The following SYMPK variants were observed in gnomAD, a reference collection of about 807,000 sequenced individuals.
SYMPK encodes the protein symplekin scaffold protein, also known as symplekin.
Under a neutral mutation model 136.4 loss-of-function variants are expected in SYMPK, and 49 were observed. The ratio of observed to expected loss-of-function variants is 0.36; its 90% CI spans 0.29 to 0.46. The LOEUF is 0.46. Ranked by LOEUF, SYMPK falls within the 20% of genes least tolerant of loss-of-function variation. SYMPK has a pLI of 1.00. For synonymous variants in SYMPK, 766 were observed against 713.0 expected (o/e 1.07, Z -1.19); for missense variants, 1,365 against 1,690.0 (o/e 0.81, Z 3.37).
intron 1 of SYMPK, among the ~76,000 whole-genome samples, chr19:45,860,832 GC>G (rs1229152337): frequency 6.6e-6 from 1 of 152,128 alleles, no homozygotes; most frequent in African/African-American, 2.4e-5. Context: ...GAAGGGTTTC[GC>G]CATGTTGCCC....
At position 45,829,090 on chromosome 19, in the gene SYMPK, C is replaced by A; in HGVS notation, c.1865G>T (p.Trp622Leu). 6.2e-7 allele frequency: 1 copy of A among 1,614,194 alleles called. No individual in the cohort carries two copies. Among genetic ancestry groups the A allele is most frequent in the Non-Finnish European group, 8.5e-7 (1 of 1,180,040 alleles). Residue 622 changes from tryptophan to leucine, a missense_variant, in exon 14 of 27, where the codon TGG becomes TTG. Transcript: ENST00000245934. ...GTAGGCGTTGTACTCCTGGTAGAGC[C>A]AGGCGAAGGCCAGGTCCAGGCGGGC... ...VRARLDLAFAWLYQEYNAYLA... is the reference protein window; with the variant it reads ...VRARLDLAFALLYQEYNAYLA...
intron 11 of SYMPK, among the ~76,000 whole-genome samples, chr19:45,834,059 G>A (rs1038178209): frequency 1.3e-5 from 2 of 152,286 alleles, no homozygotes; most frequent in South Asian, 2.1e-4. Flanking sequence ...AGGCCAAGGC[G>A]GGTGGATCAC....
intron 5 of SYMPK, 118 bp from the exon 6 acceptor site, chr19:45,848,994 C>A: frequency 4.9e-6 from 6 of 1,232,224 alleles, no homozygotes; most frequent in South Asian, 1.3e-5. Flanking sequence ...CGGAATGGCA[C>A]ATCCAGAAGC....
Position 45,854,058 on chromosome 19 carries a change from G to A in SYMPK, c.171+117C>T, listed in dbSNP as rs1600530995. 2.4e-5 allele frequency: 23 copies of A among 977,592 alleles called. No individual in the cohort carries two copies. The East Asian group carries it at 5.5e-4, about 23-fold the overall frequency. The allele number at this position is 977,592 out of a possible 1,614,324, so 60.6% of individuals were successfully genotyped here. A position where few individuals can be genotyped will look rare whatever the true frequency, so the allele number is the denominator to read the frequency against. On this transcript the variant is annotated intron_variant, in intron 3 of 26. Transcript: ENST00000245934. ...AGCAGAGGCCTGCACTGAGCACTGT[G>A]GCCGGCACACACTGAGTGTGTAAAT...
Position 45,815,699 on chromosome 19 carries a change from T to C in SYMPK, c.3688-2A>G, listed in dbSNP as rs1398854062. 2 of 1,609,550 alleles carry C rather than the reference T, an allele frequency of 1.2e-6. No individual in the cohort carries two copies. Among genetic ancestry groups the C allele is most frequent in the Middle Eastern group, 1.7e-4 (1 of 6,036 alleles). On this transcript the variant is annotated splice_acceptor_variant, in intron 26 of 26. Transcript: ENST00000245934. LOFTEE classifies it high-confidence loss of function. ...GGTCAGCCCGCCCGCTGCCGTCTCC[T>C]GGTGACCGGGGAAGGAAAGGGCAGC...
In SYMPK at chr19:45,821,351, C is replaced by T; in HGVS notation, c.2893+33G>A. ...AGGTCCTGCCCTGGCGTCGCAGGGG[C>T]CAGGCCACTGGAGTGGGGGGGAAGC... On this transcript the variant is annotated intron_variant, in intron 22 of 26. Transcript: ENST00000245934. This position sits in a 1 kb window ranked among gnomAD's most constrained non-coding sequence, Gnocchi z 4.4. 2 of 1,556,358 alleles carry T rather than the reference C, an allele frequency of 1.3e-6. No homozygotes were observed. The highest frequency in any genetic ancestry group is 2.2e-5 in the South Asian group (2 of 89,854).
At chr19:45,824,037 G>C in intron 18 of SYMPK, 162 bp from the exon 19 acceptor site, 9 of 498,508 alleles carry the variant, frequency 1.8e-5, no homozygotes, top group South Asian at 1.7e-4. Flanking sequence ...AGGAGAGTCA[G>C]AAGAACCTTG....
intron 5 of SYMPK, among the ~76,000 whole-genome samples, chr19:45,850,376 C>T (rs16980059): frequency 0.08 from 12,238 of 152,226 alleles, 564 homozygotes; most frequent in Non-Finnish European, 0.1. Flanking sequence ...CATAGTATTA[C>T]GAATAATGAA....
chr19:45,821,659 G>A lies in SYMPK; in HGVS notation c.2792-174C>T, dbSNP rs2146302427. On this transcript the variant is annotated intron_variant, in intron 21 of 26. Coordinates refer to ENST00000245934, the MANE Select transcript of SYMPK (RefSeq NM_004819.3). The surrounding 1 kb of genome is among the most constrained non-coding windows in gnomAD (Gnocchi z 4.4). ...TAAAAAGGGGACACCGAAGGCAGCA[G>A]CAGCCCTCAGGCAGCGTGAGGTTGC... 6.6e-6 allele frequency among the ~76,000 whole-genome samples: 1 copy of A among 152,304 alleles called. No individual in the cohort carries two copies. The highest frequency in any genetic ancestry group is 2.1e-4 in the South Asian group (1 of 4,834).
chr19:45,857,312 AG>A (rs1277598698), intron 1 of SYMPK, among the ~76,000 whole-genome samples: 1 of 140,602 alleles, frequency 7.1e-6, no homozygotes, highest in African/African-American at 2.6e-5. Flanking sequence ...CGGGAGGCTG[AG>A]GCAGGAGAAT....
intron 22 of SYMPK, chr19:45,820,040 TG>T (rs1286207312): frequency 1.3e-5 from 2 of 152,302 alleles, no homozygotes; most frequent in Non-Finnish European, 2.9e-5. Flanking sequence ...GTGTGGCCTC[TG>T]GCAAGGCCCT....
rs768575470 is a variant in SYMPK, at chr19:45,842,236, C to T, written c.1087+14G>A. 31 of 1,613,772 alleles carry T rather than the reference C, an allele frequency of 1.9e-5. No individual in the cohort carries two copies. The Middle Eastern group carries it at 1.3e-3, about 68-fold the overall frequency. The stretch of plus-strand genomic sequence containing the variant: ...AGCATGGTCTGCCTGCCCCACCCCA[C>T]CAGCCCCTCTCACCCAGCTTCATCT... On this transcript the variant is annotated intron_variant, in intron 9 of 26. Coordinates refer to ENST00000245934, the MANE Select transcript of SYMPK (RefSeq NM_004819.3).
chr19:45,844,292 C>T (rs1971511242), intron 7 of SYMPK, 92 bp from the exon 8 acceptor site: 1 of 1,039,496 alleles, frequency 9.6e-7, no homozygotes, highest in African/African-American at 1.6e-5. Flanking sequence ...AGGACAGATC[C>T]TGGTACCTAG....
chr19:45,832,218 T>G (rs2146316894), intron 11 of SYMPK, among the ~76,000 whole-genome samples: 1 of 152,252 alleles, frequency 6.6e-6, no homozygotes, highest in East Asian at 1.9e-4. Flanking sequence ...CCTGACTCGC[T>G]GCAGCCTCCA....
Position 45,823,760 on chromosome 19 carries a change from G to A in SYMPK, c.2599+7C>T. 1 of 1,611,570 alleles carries A rather than the reference G, an allele frequency of 6.2e-7. No individual in the cohort carries two copies. The highest frequency in any genetic ancestry group is 8.5e-7 in the Non-Finnish European group (1 of 1,177,772). On this transcript the variant is annotated splice_region_variant and intron_variant, in intron 19 of 26. Transcript: ENST00000245934. ...AAGCCATGAAAGGTGGGGGTCTCCA[G>A]GGTCACCTTTGTCTGTGAGGCTGTG... is the stretch of plus-strand genomic sequence containing the variant.
chr19:45,827,645 C>T, intron 15 of SYMPK, 22 bp from the exon 16 acceptor site: 2 of 1,601,418 alleles, frequency 1.2e-6, no homozygotes, highest in Non-Finnish European at 1.7e-6. Flanking sequence ...GGAAAGGGAC[C>T]CGAGCTCAGC....
intron 21 of SYMPK, among the ~76,000 whole-genome samples, chr19:45,822,170 G>A (rs889319059): frequency 7.0e-6 from 1 of 141,860 alleles, no homozygotes; most frequent in African/African-American, 2.7e-5. Context: ...CCAGGCTGGA[G>A]TGCACTGGCA....
At chr19:45,843,616 G>A (rs765141380) in intron 8 of SYMPK, among the ~76,000 whole-genome samples, 6 of 152,062 alleles carry the variant, frequency 3.9e-5, no homozygotes, top group Admixed American at 2.0e-4. Flanking sequence ...GATGACTAGC[G>A]CTCGGGGTCC....
At chr19:45,845,482 A>C (rs549366885) in intron 7 of SYMPK, among the ~76,000 whole-genome samples, 1 of 152,230 alleles carries the variant, frequency 6.6e-6, no homozygotes, top group Admixed American at 6.6e-5. Flanking sequence ...GGCTTATTTC[A>C]CTTAATGACT....
Sources: gnomAD v4.1 joint callset for allele counts (sites outside exome capture counted in the v4.1 genomes callset) on GRCh38, gnomAD v4.1.1 for gene constraint, Gnocchi (gnomAD v3.1) non-coding constraint, MANE v1.5 for transcripts, NCBI Gene and HGNC (gene_info 2026-07-23, HGNC 2026-07-21) for gene names.